Variants in UACA observed in about 807,000 individuals in gnomAD.
UACA encodes uveal autoantigen with coiled-coil domains and ankyrin repeats.
A neutral mutation model predicts 160.5 loss-of-function variants in UACA; 112 were observed. The observed-to-expected ratio is 0.70, with a 90% CI of 0.60 to 0.82. The LOEUF is 0.82. UACA is among the 40% of genes least tolerant of loss of function. UACA has a pLI of 0.00. For missense variants in UACA, 1,574 were observed against 1,614.6 expected (o/e 0.97, Z 0.43); for synonymous variants, 557 against 568.4 (o/e 0.98, Z 0.29).
At chr15:70,703,266 A>C (rs1276481949) in intron 1 of UACA, 1 of 1,287,192 alleles carries the variant, frequency 7.8e-7, no homozygotes, top group Non-Finnish European at 1.0e-6. Context: ...ACATTTGTGA[A>C]AATTGTTTCA....
chr15:70,751,431 T>G (rs960522639), intron 1 of UACA, among the ~76,000 whole-genome samples: 1 of 152,218 alleles, frequency 6.6e-6, no homozygotes, highest in Non-Finnish European at 1.5e-5. Flanking sequence ...AACAATGGCA[T>G]GACCTCTGGT....
intron 2 of UACA, among the ~76,000 whole-genome samples, chr15:70,697,388 T>A (rs1898167365): frequency 1.3e-5 from 2 of 152,210 alleles, no homozygotes; most frequent in South Asian, 4.1e-4. Context: ...AGTCCACTGT[T>A]CTCCAAGTAG....
rs974182547 is a variant in UACA at position 70,763,416 on chromosome 15, C to T, written c.-9G>A. On this transcript the variant is annotated 5_prime_UTR_variant, in exon 1 of 19. Transcript: ENST00000322954. The stretch of plus-strand genomic sequence containing the variant: ...GACTTGAGGCTCTTCATGGCTAACT[C>T]TTGCCTGGCCCCCGCGCGAACCTTA... The T allele has an allele frequency of 1.5e-6, 2 of 1,300,868 alleles. No individual in the cohort carries two copies. Among genetic ancestry groups the T allele is most frequent in the East Asian group, 3.2e-5 (1 of 31,736 alleles). 80.6% of individuals were successfully genotyped at this position (1,300,868 alleles called of 1,614,324 possible).
At chr15:70,762,808 C>T (rs1322321134) in intron 1 of UACA, among the ~76,000 whole-genome samples, 1 of 152,246 alleles carries the variant, frequency 6.6e-6, no homozygotes, top group African/African-American at 2.4e-5. Flanking sequence ...TCCACCAGCC[C>T]GGCAGGGCTT....
intron 1 of UACA, among the ~76,000 whole-genome samples, chr15:70,721,792 G>C (rs996211321): frequency 1.3e-5 from 2 of 152,000 alleles, no homozygotes; most frequent in African/African-American, 4.8e-5. Flanking sequence ...CAGTTACCAA[G>C]GAATAGTTAA....
Position 70,657,063 on chromosome 15 carries a change from A to C in UACA, c.4244T>G (p.Val1415Gly). ...LQIIQMRQGL[V>G]C ...GGCAGTCAGTGCTAACGGCTAGCACACAAGCCCCTGCCGCATTTGTATGAT... is the reference window on the plus strand; with the variant it reads ...GGCAGTCAGTGCTAACGGCTAGCACCCAAGCCCCTGCCGCATTTGTATGAT... The change falls in exon 19 of 19, where the codon GTG becomes GGG. Residue 1415 changes from valine to glycine, a missense_variant. By Grantham distance (109) the Val-to-Gly change is moderately radical. Transcript: ENST00000322954. 1 of 1,613,396 alleles carries C rather than the reference A, an allele frequency of 6.2e-7. No homozygotes were observed. The highest frequency in any genetic ancestry group is 2.2e-5 in the East Asian group (1 of 44,886).
the UACA span, among the ~76,000 whole-genome samples, chr15:70,772,154 T>A: frequency 6.6e-6 from 1 of 152,152 alleles, no homozygotes; most frequent in Non-Finnish European, 1.5e-5. Context: ...GCTGCCTCAC[T>A]GGTAGACTGG....
chr15:70,715,095 T>C (rs1278505911), intron 1 of UACA, among the ~76,000 whole-genome samples: 2 of 152,210 alleles, frequency 1.3e-5, no homozygotes. Flanking sequence ...ATAAATTTTG[T>C]TCCTTGGTAT....
intron 1 of UACA, among the ~76,000 whole-genome samples, chr15:70,755,480 G>A (rs989573851): frequency 2.6e-5 from 4 of 151,888 alleles, no homozygotes; most frequent in African/African-American, 7.3e-5. Context: ...GACCAGCCTG[G>A]CAAACATGGT....
At chr15:70,716,864 C>T (rs1898835982) in intron 1 of UACA, among the ~76,000 whole-genome samples, 1 of 152,180 alleles carries the variant, frequency 6.6e-6, no homozygotes, top group South Asian at 2.1e-4. Flanking sequence ...AAAAGACAAT[C>T]TGAATGGCCA....
Position 70,656,700 on chromosome 15 carries a change from T to C in UACA, c.*356A>G, listed in dbSNP as rs1896483280. ...TAAAAGTGGCCACCAACCAAATTAA[T>C]TTCTCTGAAAGACATCTTTAAGCAA... On this transcript the variant is annotated 3_prime_UTR_variant, in exon 19 of 19. Transcript: ENST00000322954. The C allele has an allele frequency of 5.7e-6, 1 of 174,958 alleles. No homozygotes were observed. Among genetic ancestry groups the C allele is most frequent in the Non-Finnish European group, 1.2e-5 (1 of 81,598 alleles). 10.8% of individuals were successfully genotyped at this position (174,958 alleles called of 1,614,324 possible).
intron 1 of UACA, chr15:70,701,887 G>A (rs1279481667): frequency 1.2e-6 from 2 of 1,613,078 alleles, no homozygotes; most frequent in East Asian, 2.2e-5. Context: ...TCTGTTCTTA[G>A]GAGTACAAGA....
chr15:70,737,172 G>C (rs1358083266), intron 1 of UACA, among the ~76,000 whole-genome samples: 2 of 152,190 alleles, frequency 1.3e-5, no homozygotes, highest in Non-Finnish European at 2.9e-5. Context: ...TCGGGGCTGA[G>C]TGTTTGAAAC....
At chr15:70,684,243 A>C in intron 8 of UACA, 22 bp downstream of exon 8, 1 of 1,572,368 alleles carries the variant, frequency 6.4e-7, no homozygotes, top group Non-Finnish European at 8.6e-7. Context: ...GGACTTTTCT[A>C]GTTACAGAAA....
intron 1 of UACA, among the ~76,000 whole-genome samples, chr15:70,721,461 T>C (rs1040024739): frequency 1.3e-5 from 2 of 151,830 alleles, no homozygotes; most frequent in African/African-American, 4.8e-5. Context: ...CCGTCTCTAC[T>C]GAAAAATACA....
intron 7 of UACA, among the ~76,000 whole-genome samples, chr15:70,685,402 A>G (rs1897674369): frequency 6.6e-6 from 1 of 152,184 alleles, no homozygotes; most frequent in Non-Finnish European, 1.5e-5. Context: ...TCTCTTAAGG[A>G]AACTGACTCT....
chr15:70,668,623 A>G lies in UACA; in HGVS notation c.2061T>C (p.His687=). 1.9e-6 allele frequency: 3 copies of G among 1,613,906 alleles called. No homozygotes were observed. Among genetic ancestry groups the G allele is most frequent in the Non-Finnish European group, 2.5e-6 (3 of 1,179,996 alleles). ...KLAQHVKPEE[H]EQVKSRLEQK... ...GTTCTAATCTGCTCTTAACCTGTTC[A>G]TGTTCCTCTGGTTTGACGTGCTGAG... Residue 687 remains histidine (H), a synonymous_variant, in exon 16 of 19, where the codon CAT becomes CAC. Transcript: ENST00000322954.
intron 18 of UACA, among the ~76,000 whole-genome samples, chr15:70,659,490 A>T (rs541990784): frequency 7.4e-6 from 1 of 134,462 alleles, no homozygotes; most frequent in Admixed American, 9.0e-5. Flanking sequence ...TGTCATTCTA[A>T]AATTTGTTTC....
chr15:70,776,060 C>T, the UACA span, among the ~76,000 whole-genome samples: 4 of 152,130 alleles, frequency 2.6e-5, no homozygotes, highest in Admixed American at 2.6e-4. Flanking sequence ...TTCTTTCAGA[C>T]TTGTCCCACA....
Sources: allele counts gnomAD v4.1 joint callset (sites outside exome capture counted in the v4.1 genomes callset), GRCh38; gene constraint gnomAD v4.1.1; transcripts MANE v1.5; gene names NCBI Gene and HGNC (gene_info 2026-07-23, HGNC 2026-07-21).